The following DOCK8 variants were observed in gnomAD, a reference collection of about 807,000 sequenced individuals.
The protein encoded by DOCK8 is dedicator of cytokinesis protein 8.
A neutral mutation model predicts 245.6 loss-of-function variants in DOCK8; 141 were observed. That is an observed-to-expected ratio of 0.57 (90% CI 0.50 to 0.66). DOCK8 has a LOEUF of 0.66. Ranked by LOEUF, DOCK8 falls within the 30% of genes least tolerant of loss-of-function variation. DOCK8 has a pLI of 0.00. For synonymous variants in DOCK8, 1,168 were observed against 970.2 expected (o/e 1.20, Z -3.79); for missense variants, 2,965 against 2,603.4 (o/e 1.14, Z -3.02).
intron 14 of DOCK8, chr9:365,593 A>G (rs765622413): frequency 2.2e-5 from 10 of 452,196 alleles, no homozygotes; most frequent in Non-Finnish European, 4.4e-5. Flanking sequence ...TTTTTCAGAG[A>G]AGTCTTCCAG....
intron 4 of DOCK8, among the ~76,000 whole-genome samples, chr9:290,884 C>T (rs190101853): frequency 6.6e-6 from 1 of 152,250 alleles, no homozygotes; most frequent in African/African-American, 2.4e-5. Flanking sequence ...TGAGTTTGTG[C>T]TGAGGTTTTC....
chr9:296,984 C>T (rs1364095717), intron 4 of DOCK8, among the ~76,000 whole-genome samples: 2 of 152,110 alleles, frequency 1.3e-5, no homozygotes, highest in Non-Finnish European at 2.9e-5. Context: ...TGCATCCTCA[C>T]CGTGTTTGGG....
intron 1 of DOCK8, among the ~76,000 whole-genome samples, chr9:265,278 C>T (rs1386753372): frequency 2.6e-5 from 4 of 152,112 alleles, no homozygotes; most frequent in African/African-American, 4.8e-5. Context: ...AACCTTGTAA[C>T]TTAGGAAGTT....
intron 1 of DOCK8, among the ~76,000 whole-genome samples, chr9:235,777 A>G (rs2047230179): frequency 2.0e-5 from 3 of 152,094 alleles, no homozygotes. Flanking sequence ...GGTGGGAGTG[A>G]CCCGATTTTC....
At chr9:216,090 G>T (rs1401437490) in intron 1 of DOCK8, among the ~76,000 whole-genome samples, 1 of 152,162 alleles carries the variant, frequency 6.6e-6, no homozygotes, top group Non-Finnish European at 1.5e-5. Flanking sequence ...AGGGCATATC[G>T]AGCTTTATTG....
intron 28 of DOCK8, among the ~76,000 whole-genome samples, chr9:412,593 A>G (rs2055792089): frequency 6.6e-6 from 1 of 152,144 alleles, no homozygotes; most frequent in African/African-American, 2.4e-5. Context: ...AACATACAAG[A>G]ATCAATTGTG....
At chr9:279,214 A>C (rs192142606) in intron 2 of DOCK8, among the ~76,000 whole-genome samples, 22 of 152,312 alleles carry the variant, frequency 1.4e-4, no homozygotes, top group Admixed American at 1.1e-3. Flanking sequence ...TATGGAAGGT[A>C]TGGGAAGAGC....
At chr9:356,973 G>T (rs768267487) in intron 14 of DOCK8, among the ~76,000 whole-genome samples, 2 of 152,044 alleles carry the variant, frequency 1.3e-5, no homozygotes, top group Admixed American at 1.3e-4. Flanking sequence ...GGATATTTGT[G>T]ATTCTTTTCT....
intron 1 of DOCK8, among the ~76,000 whole-genome samples, chr9:258,931 T>C (rs1168489532): frequency 1.3e-5 from 2 of 152,108 alleles, no homozygotes; most frequent in East Asian, 3.8e-4. Context: ...TCATAATAGT[T>C]TAAAAAGCTG....
intron 1 of DOCK8, among the ~76,000 whole-genome samples, chr9:251,291 GA>G (rs947104770): frequency 6.6e-6 from 1 of 152,122 alleles, no homozygotes; most frequent in Non-Finnish European, 1.5e-5. Flanking sequence ...CATACTTGAT[GA>G]AAAAAATCAA....
chr9:245,395 A>G lies in DOCK8; in HGVS notation c.54-26232A>G, dbSNP rs1455884919. Among the ~76,000 whole-genome samples the G allele has an allele frequency of 2.0e-5, 3 of 151,908 alleles. No individual in the cohort carries two copies. The East Asian group carries it at 5.8e-4, about 29-fold the overall frequency. ...GATTTTTTTGTATTTTTTTGTACAGATGGTGTTTCACCATGTTGGCCAGGC... is the reference window on the plus strand; with the variant it reads ...GATTTTTTTGTATTTTTTTGTACAGGTGGTGTTTCACCATGTTGGCCAGGC... On this transcript the variant is annotated intron_variant, in intron 1 of 47. Coordinates refer to ENST00000432829, the MANE Select transcript of DOCK8 (RefSeq NM_203447.4).
intron 6 of DOCK8, 44 bp downstream of exon 6, chr9:312,210 C>CT (rs770584444): frequency 1.1e-5 from 18 of 1,600,622 alleles, no homozygotes; most frequent in Non-Finnish European, 1.5e-5. Flanking sequence ...AGTGAAGACT[C>CT]TGAGAGTCAT....
intron 2 of DOCK8, among the ~76,000 whole-genome samples, chr9:285,536 A>G (rs2048786621): frequency 6.6e-6 from 1 of 152,190 alleles, no homozygotes; most frequent in African/African-American, 2.4e-5. Flanking sequence ...TAGAGCTGCT[A>G]TTAATATGAC....
chr9:445,536 C>T (rs944826253), intron 43 of DOCK8, among the ~76,000 whole-genome samples: 1 of 152,194 alleles, frequency 6.6e-6, no homozygotes, highest in African/African-American at 2.4e-5. Flanking sequence ...GTGTTTAGTT[C>T]TATGAGTTTT....
chr9:398,034 C>T (rs895304866), intron 25 of DOCK8, among the ~76,000 whole-genome samples: 5 of 152,178 alleles, frequency 3.3e-5, no homozygotes, highest in South Asian at 2.1e-4. Context: ...ATCGCTTTGT[C>T]GTTATTGAGA....
Position 441,290 on chromosome 9 carries a change from G to A in DOCK8, c.5228G>A (p.Gly1743Asp). 1.2e-6 allele frequency: 2 copies of A among 1,614,148 alleles called. No individual in the cohort carries two copies. The highest frequency in any genetic ancestry group is 1.3e-5 in the African/African-American group (1 of 75,040). ...TGCTCTTCTCCTCTTTCCAAGGGAG[G>A]CTTATATGAGACAGTTAATGAGGTC... is the stretch of plus-strand genomic sequence containing the variant. ...EQAAELFSTG[G>D]LYETVNEVYK... Residue 1743 changes from glycine to aspartate, a missense_variant, in exon 41 of 48, where the codon GGC (glycine) becomes GAC (aspartate). Coordinates refer to ENST00000432829, the MANE Select transcript of DOCK8 (RefSeq NM_203447.4).
chr9:222,392 A>G (rs1326969940), intron 1 of DOCK8, among the ~76,000 whole-genome samples: 4 of 152,196 alleles, frequency 2.6e-5, no homozygotes, highest in Non-Finnish European at 5.9e-5. Flanking sequence ...AATTTCTAAC[A>G]GTATAATTGG....
rs931964501 is a variant in DOCK8 at position 311,299 on chromosome 9, A to G, written c.529-655A>G. 6.7e-5 allele frequency among the ~76,000 whole-genome samples: 10 copies of G among 150,218 alleles called. No homozygotes were observed. The South Asian group carries it at 2.1e-3, about 31-fold the overall frequency. ...GACTCGGTCTTTAAAAAAAAAAAAA[A>G]GGTAATCATACCTCACTGCAGCCTT... On this transcript the variant is annotated intron_variant, in intron 5 of 47. Transcript: ENST00000432829.
chr9:291,957 C>A (rs2130391297), intron 4 of DOCK8, among the ~76,000 whole-genome samples: 1 of 150,852 alleles, frequency 6.6e-6, no homozygotes, highest in East Asian at 1.9e-4. Flanking sequence ...GTAGTCCTAG[C>A]TACTCGGGAG....
Sources: gnomAD v4.1 joint callset for allele counts (sites outside exome capture counted in the v4.1 genomes callset) on GRCh38, gnomAD v4.1.1 for gene constraint, MANE v1.5 for transcripts, NCBI Gene and HGNC (gene_info 2026-07-23, HGNC 2026-07-21) for gene names.